Variants in SHANK1 observed in about 807,000 individuals in gnomAD.
The protein encoded by SHANK1 is SH3 and multiple ankyrin repeat domains protein 1.
Under a neutral mutation model 165.6 loss-of-function variants are expected in SHANK1, and 35 were observed. The observed-to-expected ratio is 0.21, with a 90% CI of 0.16 to 0.28. The LOEUF (loss-of-function observed/expected upper bound fraction) is 0.28. Among genes scored for constraint, SHANK1 ranks in the 10% least tolerant of loss-of-function variants. The probability of loss-of-function intolerance (pLI) is 1.00; values close to 1 mark genes in which losing one functional copy is unlikely to be tolerated. For missense variants in SHANK1, 2,681 were observed against 3,036.4 expected, an observed-to-expected ratio of 0.88 and a Z score of 2.75; for synonymous variants, 1,428 against 1,384.8, an observed-to-expected ratio of 1.03 and a Z score of -0.69.
At chr19:50,692,581 C>G (rs1986575418) in intron 15 of SHANK1, among the ~76,000 whole-genome samples, 1 of 151,490 alleles carries the variant, frequency 6.6e-6, no homozygotes. Context: ...TACACATGCT[C>G]CATTCCCCTC....
At chr19:50,694,241 C>T (rs1364589025) in intron 15 of SHANK1, among the ~76,000 whole-genome samples, 1 of 151,636 alleles carries the variant, frequency 6.6e-6, no homozygotes, top group Non-Finnish European at 1.5e-5. Flanking sequence ...ACACGCACAT[C>T]GACACAGCCA....
At chr19:50,669,772 T>TTA (rs545255047) in intron 22 of SHANK1, among the ~76,000 whole-genome samples, 4 of 147,376 alleles carry the variant, frequency 2.7e-5, no homozygotes, top group Admixed American at 6.8e-5. Context: ...ATTGGATCTA[T>TTA]AAAAAAAAAA....
rs531227049 is a variant in SHANK1 at position 50,667,854 on chromosome 19, T to A, written c.4106A>T (p.Glu1369Val). The A allele has an allele frequency of 7.7e-7, 1 of 1,301,618 alleles. No homozygotes were observed. Among genetic ancestry groups the A allele is most frequent in the South Asian group, 2.3e-5 (1 of 42,666 alleles). 80.6% of individuals were successfully genotyped at this position (1,301,618 alleles called of 1,614,324 possible). ...AGGCGGCTGGGGGGCCCCGCCGCCC[T>A]CCGAGGACTCCTTCAGCGCTCGCTC... Reference protein sequence around the residue: ...ARERALKESSEGGGAPQPPPR... With the variant: ...ARERALKESSVGGGAPQPPPR... The change falls in exon 23 of 24, where the codon GAG (glutamate) becomes GTG (valine). Residue 1369 changes from glutamate to valine, a missense_variant. Coordinates refer to ENST00000293441, the MANE Select transcript of SHANK1 (RefSeq NM_016148.5). This position sits in a 1 kb window ranked among gnomAD's most constrained non-coding sequence, Gnocchi z 5.7.
rs1436981347 is a variant in SHANK1, at chr19:50,688,775, G to A, written c.2172+69C>T. ...GAATAAAACTGGGCAGCCAGATCCT[G>A]GTGTGAATCATGAGGGGGTCTGGGA... On this transcript the variant is annotated intron_variant, in intron 17 of 23. Transcript: ENST00000293441. The surrounding 1 kb of genome is among the most constrained non-coding windows in gnomAD (Gnocchi z 6.7). 1 of 1,519,840 alleles carries A rather than the reference G, an allele frequency of 6.6e-7. No homozygotes were observed. Among genetic ancestry groups the A allele is most frequent in the African/African-American group, 1.4e-5 (1 of 73,034 alleles). 94.1% of individuals were successfully genotyped at this position (1,519,840 alleles called of 1,614,324 possible). A position where few individuals can be genotyped will look rare whatever the true frequency, so the allele number is the denominator to read the frequency against.
At chr19:50,669,324 G>A (rs768392485) in intron 22 of SHANK1, 39 bp from the exon 23 acceptor site, 9 of 1,392,146 alleles carry the variant, frequency 6.5e-6, no homozygotes, top group South Asian at 3.6e-5. Flanking sequence ...GGACCCTGGC[G>A]GGGAGGGTCT....
intron 21 of SHANK1, among the ~76,000 whole-genome samples, chr19:50,679,907 GAC>G (rs1215644108): frequency 1.3e-5 from 2 of 151,890 alleles, no homozygotes; most frequent in Non-Finnish European, 2.9e-5. Flanking sequence ...GAGATGGAGA[GAC>G]AGAGACAGAG....
Position 50,707,875 on chromosome 19 carries a change from GTT to G in SHANK1, c.1078-3363_1078-3362del, listed in dbSNP as rs1246011933. Among the ~76,000 whole-genome samples the G allele has an allele frequency of 7.9e-4, 106 of 134,298 alleles. 1 individual carries two copies. The highest frequency in any genetic ancestry group is 2.6e-3 in the African/African-American group (102 of 38,572). 88.1% of individuals were successfully genotyped at this position (134,298 alleles called of 152,430 possible). ...ACTCCTGCCATGTGTACTTTTGCGT[GTT>G]TTTCTTTTCTTTTCTTTTCTTTTCT... On this transcript the variant is annotated intron_variant, in intron 8 of 23. Coordinates refer to ENST00000293441, the MANE Select transcript of SHANK1 (RefSeq NM_016148.5).
intron 15 of SHANK1, among the ~76,000 whole-genome samples, chr19:50,691,679 T>G (rs1372432937): frequency 6.6e-6 from 1 of 152,138 alleles, no homozygotes; most frequent in Non-Finnish European, 1.5e-5. Context: ...TATCTATGTA[T>G]TTATTCATAT....
Position 50,662,140 on chromosome 19 carries a change from G to A in SHANK1, c.6311C>T (p.Ala2104Val). 5.0e-6 allele frequency: 8 copies of A among 1,613,688 alleles called. No individual in the cohort carries two copies. Among genetic ancestry groups the A allele is most frequent in the Non-Finnish European group, 6.8e-6 (8 of 1,179,628 alleles). Residue 2104 changes from alanine to valine, a missense_variant, in exon 24 of 24, where the codon GCT becomes GTT. Ala to Val is a moderately conservative substitution (Grantham distance 64). This residue lies in a region of SHANK1 where 49 missense variants were observed against 94.2 expected (regional missense o/e 0.52). Coordinates refer to ENST00000293441, the MANE Select transcript of SHANK1 (RefSeq NM_016148.5). The surrounding 1 kb of genome is among the most constrained non-coding windows in gnomAD (Gnocchi z 7.7). ...PLGFWTKFDV[A>V]DWLEWLGLAE... ...CAAACCCAGCCACTCCAGCCAATCAGCCACGTCGAACTTGGTCCAGAACCC... is the reference window on the plus strand; with the variant it reads ...CAAACCCAGCCACTCCAGCCAATCAACCACGTCGAACTTGGTCCAGAACCC...
In SHANK1 at chr19:50,688,197, C is replaced by T. The variant is rs1599855635; in HGVS notation, c.2173-139G>A. The T allele has an allele frequency of 6.6e-6, 7 of 1,062,908 alleles. No individual in the cohort carries two copies. The East Asian group carries it at 1.8e-4, about 27-fold the overall frequency. The allele number at this position is 1,062,908 out of a possible 1,614,324, so 65.8% of individuals were successfully genotyped here. A position where few individuals can be genotyped will look rare whatever the true frequency, so the allele number is the denominator to read the frequency against. On this transcript the variant is annotated intron_variant, in intron 17 of 23. Transcript: ENST00000293441. This position sits in a 1 kb window ranked among gnomAD's most constrained non-coding sequence, Gnocchi z 6.7. The stretch of plus-strand genomic sequence containing the variant: ...CTATGTTCCTCTCCCTCCGACCCTT[C>T]ATACCACCGCCTCCCTGGGCAAGCC...
At position 50,686,384 on chromosome 19, in the gene SHANK1, G is replaced by A; in HGVS notation, c.2459-29C>T. ...GGGGTAGATGAATGAACAGAGGTGGGAAGACAATGAAATGAAGTTTGCTTT... is the reference window on the plus strand; with the variant it reads ...GGGGTAGATGAATGAACAGAGGTGGAAAGACAATGAAATGAAGTTTGCTTT... On this transcript the variant is annotated intron_variant, in intron 20 of 23. Transcript: ENST00000293441. The surrounding 1 kb of genome is among the most constrained non-coding windows in gnomAD (Gnocchi z 5.7). 1 of 1,455,524 alleles carries A rather than the reference G, an allele frequency of 6.9e-7. No homozygotes were observed. The highest frequency in any genetic ancestry group is 2.3e-5 in the East Asian group (1 of 42,848). The allele number at this position is 1,455,524 out of a possible 1,614,324, so 90.2% of individuals were successfully genotyped here.
rs1160385958 is a variant in SHANK1, at chr19:50,667,833, G to A, written c.4127C>T (p.Pro1376Leu). 1.2e-5 allele frequency: 15 copies of A among 1,297,140 alleles called. No homozygotes were observed. The South Asian group carries it at 2.5e-4, about 21-fold the overall frequency. 80.4% of individuals were successfully genotyped at this position (1,297,140 alleles called of 1,614,324 possible). Reference protein sequence around the residue: ...ESSEGGGAPQPPPRPPSPRYE... With the variant: ...ESSEGGGAPQLPPRPPSPRYE... ...GCGGGGCGATGGGGGCCTGGGAGGCGGCTGGGGGGCCCCGCCGCCCTCCGA... is the reference window on the plus strand; with the variant it reads ...GCGGGGCGATGGGGGCCTGGGAGGCAGCTGGGGGGCCCCGCCGCCCTCCGA... The change falls in exon 23 of 24, where the codon CCG becomes CTG. Residue 1376 changes from proline (P) to leucine (L), a missense_variant. Coordinates refer to ENST00000293441, the MANE Select transcript of SHANK1 (RefSeq NM_016148.5). The surrounding 1 kb of genome is among the most constrained non-coding windows in gnomAD (Gnocchi z 5.7).
rs1270532483 is a variant in SHANK1 at position 50,719,568 on chromosome 19, C to A, written c.-206G>T. 7.9e-6 allele frequency: 1 copy of A among 126,596 alleles called. No individual in the cohort carries two copies. Among genetic ancestry groups the A allele is most frequent in the Admixed American group, 7.9e-5 (1 of 12,650 alleles). 7.8% of individuals were successfully genotyped at this position (126,596 alleles called of 1,614,324 possible). A position where few individuals can be genotyped will look rare whatever the true frequency, so the allele number is the denominator to read the frequency against. On this transcript the variant is annotated 5_prime_UTR_variant, in exon 1 of 24. Coordinates refer to ENST00000293441, the MANE Select transcript of SHANK1 (RefSeq NM_016148.5). ...GGCGGGCGGGGACCGGGGGGGAGGG[C>A]GGGAGGGCCGAGGACCTCACCCCCC...
At chr19:50,666,070 G>T in intron 23 of SHANK1, 122 bp downstream of exon 23, 1 of 857,726 alleles carries the variant, frequency 1.2e-6, no homozygotes, top group Non-Finnish European at 1.7e-6. Flanking sequence ...GCATGCTTCT[G>T]TGACAGCAAA....
chr19:50,714,747 A>T (rs2089051349), intron 4 of SHANK1, among the ~76,000 whole-genome samples: 1 of 152,046 alleles, frequency 6.6e-6, no homozygotes, highest in African/African-American at 2.4e-5. Context: ...GTTGTGTTGA[A>T]ATTCGTGTTA....
Position 50,660,579 on chromosome 19 carries a change from AATGAG to A in SHANK1, c.*1381_*1385del, listed in dbSNP as rs1322357699. On this transcript the variant is annotated 3_prime_UTR_variant, in exon 24 of 24. Coordinates refer to ENST00000293441, the MANE Select transcript of SHANK1 (RefSeq NM_016148.5). ...ACAGTTACAGCCCAAGAGTGCATGG[AATGAG>A]ATGAGTGTGCAAAAGGAAAGAAGTG... Among the ~76,000 whole-genome samples, 7 of 152,166 alleles carry A rather than the reference AATGAG, an allele frequency of 4.6e-5. No homozygotes were observed. Among genetic ancestry groups the A allele is most frequent in the Non-Finnish European group, 1.0e-4 (7 of 68,012 alleles).
Position 50,697,073 on chromosome 19 carries a change from C to T in SHANK1, c.1964+23G>A, listed in dbSNP as rs372944680. 11 of 1,604,198 alleles carry T rather than the reference C, an allele frequency of 6.9e-6. No individual in the cohort carries two copies. The African/African-American group carries it at 1.3e-4, about 20-fold the overall frequency. ...CGTCCTTCCCCTCCTGACCCCATCC[C>T]CTCCCTGCCCCTCGCCTCTCACCTC... is the stretch of plus-strand genomic sequence containing the variant. On this transcript the variant is annotated intron_variant, in intron 15 of 23. Transcript: ENST00000293441. This position sits in a 1 kb window ranked among gnomAD's most constrained non-coding sequence, Gnocchi z 4.7.
intron 8 of SHANK1, among the ~76,000 whole-genome samples, chr19:50,710,598 C>A (rs965814609): frequency 9.2e-5 from 14 of 152,170 alleles, no homozygotes. Flanking sequence ...CACGAGCCCC[C>A]CTGCCTGCTC....
intron 21 of SHANK1, among the ~76,000 whole-genome samples, chr19:50,685,246 C>A (rs2123124804): frequency 6.6e-6 from 1 of 152,292 alleles, no homozygotes; most frequent in African/African-American, 2.4e-5. Flanking sequence ...GGGCAACATC[C>A]AGGAAGGGAG....
Sources: gnomAD v4.1 joint callset for allele counts (sites outside exome capture counted in the v4.1 genomes callset) on GRCh38, gnomAD v4.1.1 for gene constraint, gnomAD v4.1.1 regional missense constraint, Gnocchi (gnomAD v3.1) non-coding constraint, MANE v1.5 for transcripts, NCBI Gene and HGNC (gene_info 2026-07-23, HGNC 2026-07-21) for gene names.